GOLGA8M: variants seen among roughly 807,000 people sequenced by gnomAD.
GOLGA8M encodes the protein golgin A8 family member M.
In GOLGA8M, 34 loss-of-function variants were observed where a neutral mutation model predicts 87.7. The observed-to-expected ratio is 0.39, with a 90% confidence interval of 0.29 to 0.52. The LOEUF (loss-of-function observed/expected upper bound fraction) is 0.52, where lower values mean the gene tolerates loss of function less well. GOLGA8M is among the 20% of genes least tolerant of loss of function. The pLI is 0.80. For missense variants in GOLGA8M, 396 were observed against 682.2 expected, an observed-to-expected ratio of 0.58 and a Z score of 4.67; for synonymous variants, 138 against 250.2, an observed-to-expected ratio of 0.55 and a Z score of 4.23.
At chr15:28,711,893 G>T (rs2080205879) in intron 1 of GOLGA8M, 1 of 984,964 alleles carries the variant, frequency 1.0e-6, no homozygotes. Flanking sequence ...AGAGTCTGCA[G>T]CAGGGAGCCC....
At chr15:28,712,774 T>G (rs1266886329), upstream of GOLGA8M, among the ~76,000 whole-genome samples, 1 of 152,262 alleles carries the variant, frequency 6.6e-6, no homozygotes, top group African/African-American at 2.4e-5. Context: ...CCAGCTTCTA[T>G]GCAAGGTCTA....
chr15:28,704,332 G>T (rs1173885617), intron 13 of GOLGA8M, among the ~76,000 whole-genome samples: 1 of 147,300 alleles, frequency 6.8e-6, no homozygotes, highest in Non-Finnish European at 1.5e-5. Flanking sequence ...GCACTGTGGG[G>T]CTCTGTCAGC....
rs1409426710 is a variant in GOLGA8M at position 28,707,864 on chromosome 15, TGA to T, written c.482-9_482-8del. Reference sequence around the variant, plus strand: ...GCCAGATCCTTGGACTTTTCTGTAGTGAGAGAGTTGAGATGGGGCCCAAAGGA... The same window carrying T: ...GCCAGATCCTTGGACTTTTCTGTAGTGAGAGTTGAGATGGGGCCCAAAGGA... On this transcript the variant is annotated splice_polypyrimidine_tract_variant and splice_region_variant and intron_variant, in intron 7 of 18. Coordinates refer to ENST00000563027, the MANE Select transcript of GOLGA8M (RefSeq NM_001282468.3). 20 of 1,565,152 alleles carry T rather than the reference TGA, an allele frequency of 1.3e-5. 3 individuals are homozygous for T. The highest frequency in any genetic ancestry group is 1.4e-5 in the Non-Finnish European group (17 of 1,176,138).
At position 28,702,229 on chromosome 15, in the gene GOLGA8M, C is replaced by T. The variant is rs760544043; in HGVS notation, c.1708G>A (p.Ala570Thr). Residue 570 changes from alanine to threonine, a missense_variant, in exon 18 of 19, where the codon GCA (alanine) becomes ACA (threonine). Physicochemically the swap from Ala to Thr is moderately conservative, Grantham distance 58. Around this residue, in one of 12 missense-constraint regions of GOLGA8M, gnomAD observed 173 missense variants for 150.2 expected, o/e 1.15. Coordinates refer to ENST00000563027, the MANE Select transcript of GOLGA8M (RefSeq NM_001282468.3). ...GAPAPQELGA[A>T]DKHGDLCEVS... is the part of the protein sequence containing the mutation. ...CTGTACTCACCACCATGCTTGTCTG[C>T]AGCCCCAAGCTCCTGGGGAGCTGGG... 352 of 1,588,434 alleles carry T rather than the reference C, an allele frequency of 2.2e-4. 1 individual carries two copies. The highest frequency in any genetic ancestry group is 1.0e-3 in the Admixed American group (59 of 57,272).
In GOLGA8M at chr15:28,699,360, C is replaced by T. The variant is rs1392835963; in HGVS notation, c.*2594G>A. Among the ~76,000 whole-genome samples, 1 of 149,324 alleles carries T rather than the reference C, an allele frequency of 6.7e-6. No individual in the cohort carries two copies. The highest frequency in any genetic ancestry group is 2.5e-5 in the African/African-American group (1 of 40,474). On this transcript the variant is annotated 3_prime_UTR_variant, in exon 19 of 19. Coordinates refer to ENST00000563027, the MANE Select transcript of GOLGA8M (RefSeq NM_001282468.3). ...ATTCCAATGTTGCCTTCTAAGCAAA[C>T]TGAAAGCTGCCTTATACAGAATGAG... is the stretch of plus-strand genomic sequence containing the variant.
chr15:28,704,980 G>C, intron 13 of GOLGA8M, 179 bp downstream of exon 13: 3 of 952,724 alleles, frequency 3.1e-6, no homozygotes, highest in Non-Finnish European at 4.8e-6. Context: ...GAGGAGCCCA[G>C]GGCTACCCAC....
chr15:28,707,251 A>C lies in GOLGA8M; in HGVS notation c.591+497T>G, dbSNP rs985591931. The stretch of plus-strand genomic sequence containing the variant: ...AAAGGATGATACATTTGCATAGTCC[A>C]AAACTCAGAAGGTACAGAAGGGAAG... On this transcript the variant is annotated intron_variant, in intron 8 of 18. Transcript: ENST00000563027. Among the ~76,000 whole-genome samples the C allele has an allele frequency of 8.9e-5, 12 of 134,514 alleles. 1 individual carries two copies. Among genetic ancestry groups the C allele is most frequent in the Non-Finnish European group, 1.6e-4 (11 of 66,866 alleles). 88.2% of individuals were successfully genotyped at this position (134,514 alleles called of 152,430 possible).
intron 13 of GOLGA8M, 128 bp from the exon 14 acceptor site, chr15:28,704,045 G>C: frequency 1.9e-6 from 3 of 1,542,710 alleles, no homozygotes; most frequent in African/African-American, 1.4e-5. Context: ...CCACCGCTTT[G>C]CCTCAAGCTT....
chr15:28,704,926 G>A lies in GOLGA8M; in HGVS notation c.1200+233C>T. On this transcript the variant is annotated intron_variant, in intron 13 of 18. Transcript: ENST00000563027. Reference sequence around the variant, plus strand: ...TAGCACTGTCTCTTCCCCTGTGATTGGGGGCTCCATGCCTCTAGCTAGGAT... The same window carrying A: ...TAGCACTGTCTCTTCCCCTGTGATTAGGGGCTCCATGCCTCTAGCTAGGAT... 17 of 885,958 alleles carry A rather than the reference G, an allele frequency of 1.9e-5. No homozygotes were observed. The South Asian group carries it at 2.3e-4, about 12-fold the overall frequency. 54.9% of individuals were successfully genotyped at this position (885,958 alleles called of 1,614,324 possible).
rs1308894744 is a variant in GOLGA8M, at chr15:28,705,706, G to A, written c.908C>T (p.Pro303Leu). The A allele has an allele frequency of 1.9e-6, 3 of 1,579,972 alleles. No homozygotes were observed. The highest frequency in any genetic ancestry group is 1.1e-5 in the South Asian group (1 of 90,112). The change falls in exon 12 of 19, where the codon CCC becomes CTC. Residue 303 changes from proline to leucine, a missense_variant. By Grantham distance (98) the Pro-to-Leu change is moderately conservative. Around this residue, in one of 12 missense-constraint regions of GOLGA8M, gnomAD observed 28 missense variants for 55.2 expected, o/e 0.51. Coordinates refer to ENST00000563027, the MANE Select transcript of GOLGA8M (RefSeq NM_001282468.3). ...EPLPPEPPAVPSEVELQHLRK... is the reference protein window; with the variant it reads ...EPLPPEPPAVLSEVELQHLRK... ...CAGGTGCTGCAGCTCCACCTCAGAG[G>A]GCACTGCTGGGGGCTCCGGGGGCAA... is the stretch of plus-strand genomic sequence containing the variant.
intron 1 of GOLGA8M, chr15:28,711,666 A>G (rs1257827312): frequency 5.1e-6 from 5 of 984,396 alleles, no homozygotes; most frequent in Admixed American, 6.2e-5. Flanking sequence ...GGGTCATAAG[A>G]TCAAAGGCCA....
At position 28,699,002 on chromosome 15, in the gene GOLGA8M, A is replaced by G. The variant is rs896044999; in HGVS notation, c.*2952T>C. 2.0e-5 allele frequency among the ~76,000 whole-genome samples: 3 copies of G among 147,110 alleles called. No homozygotes were observed. Among genetic ancestry groups the G allele is most frequent in the African/African-American group, 7.6e-5 (3 of 39,272 alleles). On this transcript the variant is annotated 3_prime_UTR_variant, in exon 19 of 19. Transcript: ENST00000563027. ...TTCTTTCTTTTATACTACAGTATTCATATTTTAAAATGTTTTAAATTATTT... is the reference window on the plus strand; with the variant it reads ...TTCTTTCTTTTATACTACAGTATTCGTATTTTAAAATGTTTTAAATTATTT...
At position 28,705,216 on chromosome 15, in the gene GOLGA8M, G is replaced by A. The variant is rs201716704; in HGVS notation, c.1143C>T (p.Asn381=). The change falls in exon 13 of 19, where the codon AAC becomes AAT. Residue 381 remains asparagine, a synonymous_variant. Transcript: ENST00000563027. ...QSVFEEPNNE[N]KSTLQLEQQV... ...GCTGCTCCAACTGCAGTGTGCTCTT[G>A]TTCTCATTGTTCTGGACAGAGAGAA... The A allele has an allele frequency of 0.037, 58,650 of 1,597,494 alleles. 1,868 individuals carry two copies. Among genetic ancestry groups the A allele is most frequent in the African/African-American group, 0.15 (11,527 of 74,810 alleles).
Position 28,700,599 on chromosome 15 carries a change from TCTC to T in GOLGA8M, c.*1352_*1354del, listed in dbSNP as rs2079763430. Among the ~76,000 whole-genome samples the T allele has an allele frequency of 7.0e-6, 1 of 142,100 alleles. No individual in the cohort carries two copies. The highest frequency in any genetic ancestry group is 1.5e-5 in the Non-Finnish European group (1 of 66,138). The allele number at this position is 142,100 out of a possible 152,430, so 93.2% of individuals were successfully genotyped here. On this transcript the variant is annotated 3_prime_UTR_variant, in exon 19 of 19. Transcript: ENST00000563027. The stretch of plus-strand genomic sequence containing the variant: ...GTACACATTTTAAGTTTCATAAACT[TCTC>T]CTTGATTTTCAAAGATAGTATAATA...
chr15:28,702,190 A>G, intron 18 of GOLGA8M, 24 bp downstream of exon 18: 2 of 1,589,130 alleles, frequency 1.3e-6, no homozygotes, highest in Non-Finnish European at 1.7e-6. Context: ...CTGCCTGCCC[A>G]CACCACCTGA....
chr15:28,702,544 T>C lies in GOLGA8M; in HGVS notation c.1488A>G (p.Leu496=), dbSNP rs1363922391. 3 of 1,604,696 alleles carry C rather than the reference T, an allele frequency of 1.9e-6. No homozygotes were observed. Among genetic ancestry groups the C allele is most frequent in the Non-Finnish European group, 2.5e-6 (3 of 1,179,618 alleles). Residue 496 remains leucine, a synonymous_variant, in exon 17 of 19, where the codon TTA becomes TTG. Coordinates refer to ENST00000563027, the MANE Select transcript of GOLGA8M (RefSeq NM_001282468.3). The stretch of plus-strand genomic sequence containing the variant: ...CTTTGGCACGGCCCCCTGGTTCTGA[T>C]AAAAGGTGATGGATTTTCCTGCGGG... The part of the protein sequence containing the change: ...ERCHQKIHHL[L]SEPGGRAKDA...
rs1162684345 is a variant in GOLGA8M at position 28,702,885 on chromosome 15, A to T, written c.1369-140T>A. On this transcript the variant is annotated intron_variant, in intron 15 of 18. Coordinates refer to ENST00000563027, the MANE Select transcript of GOLGA8M (RefSeq NM_001282468.3). ...CCTGCAGGGCCCAGTGGGTCTCCCC[A>T]CTCACAGACTCGCCCCCAGGCCCTG... is the stretch of plus-strand genomic sequence containing the variant. 2.2e-5 allele frequency: 34 copies of T among 1,535,876 alleles called. 1 individual carries two copies. Among genetic ancestry groups the T allele is most frequent in the Non-Finnish European group, 2.9e-5 (34 of 1,158,274 alleles).
intron 1 of GOLGA8M, among the ~76,000 whole-genome samples, chr15:28,710,932 C>T (rs2080179604): frequency 7.0e-6 from 1 of 141,900 alleles, no homozygotes; most frequent in Admixed American, 7.2e-5. Context: ...AACTGTATGC[C>T]ATGTGGTTTA....
At chr15:28,707,496 C>A (rs867323864) in intron 8 of GOLGA8M, among the ~76,000 whole-genome samples, 13 of 144,794 alleles carry the variant, frequency 9.0e-5, no homozygotes, top group African/African-American at 2.6e-4. Context: ...AAGACCACAG[C>A]CAGGTAAGGG....
Sources: allele counts gnomAD v4.1 joint callset (sites outside exome capture counted in the v4.1 genomes callset), GRCh38; gene constraint gnomAD v4.1.1; regional missense constraint gnomAD v4.1.1; transcripts MANE v1.5; gene names NCBI Gene and HGNC (gene_info 2026-07-23, HGNC 2026-07-21).